The following GALNT13 variants were observed in gnomAD, a reference collection of about 807,000 sequenced individuals.
GALNT13 encodes polypeptide N-acetylgalactosaminyltransferase 13, also known as UDP-GalNAc:polypeptide N-acetylgalactosaminyltransferase 13.
GALNT13 carries 28 observed loss-of-function variants against 64.2 expected under a neutral mutation model. The observed-to-expected ratio is 0.44, with a 90% CI of 0.32 to 0.60. The LOEUF is 0.60. GALNT13 is among the 20% of genes least tolerant of loss of function. GALNT13 has a pLI of 0.05. For missense variants in GALNT13, 577 were observed against 669.8 expected (o/e 0.86, Z 1.53); for synonymous variants, 214 against 224.6 (o/e 0.95, Z 0.42).
intron 9 of GALNT13, among the ~76,000 whole-genome samples, chr2:154,343,865 TCTGA>T (rs1182014977): frequency 6.6e-6 from 1 of 152,078 alleles, no homozygotes; most frequent in Non-Finnish European, 1.5e-5. Context: ...AGATAGCTGC[TCTGA>T]CTGTTTTTAC....
At chr2:154,440,367 T>C (rs1471123837) in intron 12 of GALNT13, among the ~76,000 whole-genome samples, 1 of 152,126 alleles carries the variant, frequency 6.6e-6, no homozygotes, top group African/African-American at 2.4e-5. Context: ...AAATAACTAC[T>C]GTTAGCAATT....
the GALNT13 span, chr2:153,159,571 G>C: frequency 6.5e-6 from 1 of 152,826 alleles, no homozygotes; most frequent in Non-Finnish European, 1.5e-5. Flanking sequence ...TGTGTTGAAA[G>C]GAACAAGAGC....
At chr2:153,580,780 G>A in the GALNT13 span, among the ~76,000 whole-genome samples, 4 of 152,150 alleles carry the variant, frequency 2.6e-5, no homozygotes, top group Admixed American at 2.6e-4. Context: ...TTAATGTAAT[G>A]TCTAAAGTGA....
chr2:153,653,551 A>G, the GALNT13 span, among the ~76,000 whole-genome samples: 4 of 152,208 alleles, frequency 2.6e-5, no homozygotes, highest in South Asian at 4.1e-4. Context: ...AGTTAAAAAA[A>G]CAAAAACAAG....
the GALNT13 span, among the ~76,000 whole-genome samples, chr2:153,222,336 G>GGGGGGT: frequency 7.8e-5 from 3 of 38,298 alleles, no homozygotes; most frequent in Non-Finnish European, 2.5e-4. Context: ...GTGGGGTGGG[G>GGGGGGT]GGGGGGGTTG....
intron 9 of GALNT13, among the ~76,000 whole-genome samples, chr2:154,332,911 A>ACTTGC (rs1349585726): frequency 6.6e-6 from 1 of 151,754 alleles, no homozygotes; most frequent in Non-Finnish European, 1.5e-5. Context: ...TAGAAACACA[A>ACTTGC]AAAACCCATA....
Position 154,239,666 on chromosome 2 carries a change from C to T in GALNT13, c.312-2364C>T, listed in dbSNP as rs181075747. On this transcript the variant is annotated intron_variant, in intron 4 of 12. Transcript: ENST00000392825. ...GATGACAATAAATCCAACTACTTTT[C>T]CCATGCCTTACATTTTTATTTTCTT... Among the ~76,000 whole-genome samples the T allele has an allele frequency of 1.6e-3, 243 of 152,214 alleles. 1 individual carries two copies. The highest frequency in any genetic ancestry group is 6.8e-3 in the Middle Eastern group (2 of 294).
At chr2:153,670,171 C>G in the GALNT13 span, among the ~76,000 whole-genome samples, 2 of 152,320 alleles carry the variant, frequency 1.3e-5, no homozygotes, top group Admixed American at 6.5e-5. Context: ...CCCTGCCTGA[C>G]AGCCCTGAAG....
the GALNT13 span, among the ~76,000 whole-genome samples, chr2:153,791,129 T>C: frequency 7.6e-4 from 115 of 152,206 alleles, no homozygotes; most frequent in African/African-American, 2.7e-3. Context: ...CATCTGACAA[T>C]GATCTAATAA....
chr2:153,107,843 C>A, the GALNT13 span, among the ~76,000 whole-genome samples: 3 of 152,028 alleles, frequency 2.0e-5, no homozygotes, highest in Non-Finnish European at 2.9e-5. Context: ...TAAGGTTTGG[C>A]ACAGAAAATC....
the GALNT13 span, among the ~76,000 whole-genome samples, chr2:153,683,346 G>C: frequency 2.1e-4 from 32 of 151,810 alleles, no homozygotes; most frequent in African/African-American, 6.5e-4. Flanking sequence ...ATAATTATAA[G>C]TTATTATTAT....
At chr2:153,837,303 C>T in the GALNT13 span, among the ~76,000 whole-genome samples, 1 of 152,102 alleles carries the variant, frequency 6.6e-6, no homozygotes, top group South Asian at 2.1e-4. Flanking sequence ...GCATAAATGT[C>T]TTCTTTTGAG....
intron 3 of GALNT13, among the ~76,000 whole-genome samples, chr2:153,997,724 A>G (rs1695616752): frequency 6.6e-6 from 1 of 152,046 alleles, no homozygotes. Flanking sequence ...TACATGTACC[A>G]TGGTGGGTTG....
chr2:153,674,499 T>G, the GALNT13 span, among the ~76,000 whole-genome samples: 1 of 152,174 alleles, frequency 6.6e-6, no homozygotes, highest in East Asian at 1.9e-4. Flanking sequence ...GCTAGCCAAA[T>G]GTAGAATTCT....
chr2:153,175,552 A>G, the GALNT13 span, among the ~76,000 whole-genome samples: 1 of 152,180 alleles, frequency 6.6e-6, no homozygotes, highest in East Asian at 1.9e-4. Flanking sequence ...AATGCAAGAA[A>G]ATGATTTGTA....
At chr2:153,952,836 C>A (rs1485108380) in intron 3 of GALNT13, among the ~76,000 whole-genome samples, 1 of 152,112 alleles carries the variant, frequency 6.6e-6, no homozygotes, top group African/African-American at 2.4e-5. Context: ...CAGCCCCTGG[C>A]AAACCACTGG....
intron 2 of GALNT13, among the ~76,000 whole-genome samples, chr2:153,912,783 G>C (rs1446318054): frequency 6.6e-6 from 1 of 152,164 alleles, no homozygotes; most frequent in African/African-American, 2.4e-5. Context: ...CTGTTGCACA[G>C]GATAGGCTGA....
chr2:154,166,915 G>A (rs1685059290), intron 4 of GALNT13, among the ~76,000 whole-genome samples: 1 of 151,950 alleles, frequency 6.6e-6, no homozygotes. Flanking sequence ...CTCATAGGTG[G>A]GAATTGAACA....
At chr2:153,886,336 A>G (rs1054213133) in intron 1 of GALNT13, among the ~76,000 whole-genome samples, 9 of 151,752 alleles carry the variant, frequency 5.9e-5, no homozygotes, top group African/African-American at 1.7e-4. Context: ...AACATTAGGT[A>G]TATCTCCTAA....
Sources: gnomAD v4.1 joint callset for allele counts (sites outside exome capture counted in the v4.1 genomes callset) on GRCh38, gnomAD v4.1.1 for gene constraint, MANE v1.5 for transcripts, NCBI Gene and HGNC (gene_info 2026-07-23, HGNC 2026-07-21) for gene names.